Variants in MYT1L observed in about 807,000 individuals in gnomAD.
MYT1L encodes the protein myelin transcription factor 1-like protein.
Under a neutral mutation model 126.7 loss-of-function variants are expected in MYT1L, and 12 were observed. The ratio of observed to expected loss-of-function variants is 0.09; its 90% CI spans 0.06 to 0.15. MYT1L has a LOEUF of 0.15. Among genes scored for constraint, MYT1L ranks in the 10% least tolerant of loss-of-function variants. MYT1L has a pLI of 1.00. For synonymous variants in MYT1L, 541 were observed against 604.2 expected (o/e 0.90, Z 1.53); for missense variants, 979 against 1,585.2 (o/e 0.62, Z 6.49).
At chr2:1,968,173 G>A (rs1226583695) in intron 8 of MYT1L, among the ~76,000 whole-genome samples, 2 of 152,148 alleles carry the variant, frequency 1.3e-5, no homozygotes, top group African/African-American at 4.8e-5. Context: ...TCTTATCCCC[G>A]TTGAGGTTGG....
chr2:2,274,456 C>CT (rs1237403161), intron 2 of MYT1L, among the ~76,000 whole-genome samples: 1 of 151,866 alleles, frequency 6.6e-6, no homozygotes, highest in East Asian at 1.9e-4. Flanking sequence ...ATAAACTGAA[C>CT]TTTTTTCCTA....
At position 2,282,117 on chromosome 2, in the gene MYT1L, T is replaced by C. The variant is rs906948733; in HGVS notation, c.-421+2287A>G. 2.6e-5 allele frequency among the ~76,000 whole-genome samples: 4 copies of C among 152,354 alleles called. No individual in the cohort carries two copies. In the East Asian group the frequency reaches 7.7e-4, roughly 29 times the overall value. ...TAAAGTAAATGTATTGTAATGCTTT[T>C]CATACCATGTATCAGAGACTCAATA... On this transcript the variant is annotated intron_variant, in intron 2 of 24. Coordinates refer to ENST00000647738, the MANE Select transcript of MYT1L (RefSeq NM_001303052.2).
rs539172450 is a variant in MYT1L, at chr2:2,058,594, CT to C, written c.-303-4472del. Among the ~76,000 whole-genome samples, 47 of 152,282 alleles carry C rather than the reference CT, an allele frequency of 3.1e-4. No individual in the cohort carries two copies. The East Asian group carries it at 8.9e-3, about 29-fold the overall frequency. The stretch of plus-strand genomic sequence containing the variant: ...AGTCTAGAATTGTGCCTGGCACACA[CT>C]AATGATCAACAAATTTATGCTGAAT... On this transcript the variant is annotated intron_variant, in intron 3 of 24. Coordinates refer to ENST00000647738, the MANE Select transcript of MYT1L (RefSeq NM_001303052.2).
Position 2,180,943 on chromosome 2 carries a change from T to C in MYT1L, c.-420-7955A>G, listed in dbSNP as rs561067398. ...GTGTGCACCTGTATCTGTACCTGCA[T>C]GTGCCTGTGTGTGCACCTGTAACCG... On this transcript the variant is annotated intron_variant, in intron 2 of 24. Transcript: ENST00000647738. Among the ~76,000 whole-genome samples, 22 of 151,578 alleles carry C rather than the reference T, an allele frequency of 1.5e-4. No individual in the cohort carries two copies. In the South Asian group the frequency reaches 4.4e-3, roughly 30 times the overall value.
intron 18 of MYT1L, among the ~76,000 whole-genome samples, chr2:1,867,062 G>T (rs983011106): frequency 2.0e-5 from 3 of 147,694 alleles, no homozygotes; most frequent in Non-Finnish European, 4.5e-5. Context: ...AGGGTTGGGG[G>T]AGAGAGGGAG....
intron 3 of MYT1L, among the ~76,000 whole-genome samples, chr2:2,092,801 T>C (rs909796473): frequency 4.6e-5 from 7 of 152,146 alleles, no homozygotes; most frequent in African/African-American, 1.7e-4. Flanking sequence ...TGGGGGCTGT[T>C]GTAAGCAGCA....
intron 8 of MYT1L, among the ~76,000 whole-genome samples, chr2:1,951,740 A>C (rs1373648604): frequency 6.6e-6 from 1 of 152,184 alleles, no homozygotes; most frequent in East Asian, 1.9e-4. Context: ...AGTCCACATG[A>C]AACACCCAAC....
chr2:2,320,692 A>G (rs969131904), intron 1 of MYT1L, among the ~76,000 whole-genome samples: 2 of 152,168 alleles, frequency 1.3e-5, no homozygotes, highest in African/African-American at 4.8e-5. Flanking sequence ...ATCACTGAAA[A>G]ATCAGAACCA....
intron 22 of MYT1L, among the ~76,000 whole-genome samples, 183 bp downstream of exon 22, chr2:1,808,893 G>A (rs911390445): frequency 6.6e-6 from 1 of 152,190 alleles, no homozygotes; most frequent in African/African-American, 2.4e-5. Context: ...GGTGGGAGAC[G>A]GTTTTGAGAA....
At chr2:2,316,343 G>T (rs1043080963) in intron 1 of MYT1L, among the ~76,000 whole-genome samples, 2 of 152,048 alleles carry the variant, frequency 1.3e-5, no homozygotes, top group Non-Finnish European at 2.9e-5. Context: ...TGTCATTTTG[G>T]GTGCCTTCTG....
At chr2:2,209,307 A>C in intron 2 of MYT1L, among the ~76,000 whole-genome samples, 1 of 152,148 alleles carries the variant, frequency 6.6e-6, no homozygotes, top group East Asian at 1.9e-4. Flanking sequence ...ATTATTGACT[A>C]TAGTCCCCTT....
intron 2 of MYT1L, among the ~76,000 whole-genome samples, chr2:2,266,985 A>G (rs1349338200): frequency 1.3e-5 from 2 of 152,194 alleles, no homozygotes; most frequent in African/African-American, 4.8e-5. Context: ...AGAACAGACT[A>G]ATACAGCCAG....
intron 1 of MYT1L, among the ~76,000 whole-genome samples, chr2:2,320,440 A>T (rs1345584823): frequency 2.0e-5 from 3 of 151,876 alleles, no homozygotes; most frequent in Non-Finnish European, 2.9e-5. Context: ...ACAATTAGGC[A>T]TAAAATTTTA....
At chr2:2,253,293 T>C (rs948068555) in intron 2 of MYT1L, among the ~76,000 whole-genome samples, 1 of 152,236 alleles carries the variant, frequency 6.6e-6, no homozygotes, top group African/African-American at 2.4e-5. Context: ...CAGGGCTCGC[T>C]GGCTTCCACA....
chr2:2,163,885 G>A (rs529508315), intron 3 of MYT1L, among the ~76,000 whole-genome samples: 12 of 152,296 alleles, frequency 7.9e-5, no homozygotes, highest in African/African-American at 2.4e-4. Flanking sequence ...GGGACCAGGT[G>A]TAAATTTTAT....
At position 2,312,520 on chromosome 2, in the gene MYT1L, G is replaced by A. The variant is rs375884095; in HGVS notation, c.-521+18447C>T. Reference sequence around the variant, plus strand: ...CCCAGCTACTCAGGAGGCTGAGGTGGGAGGATTACTTGAACGTGGGAGGAA... The same window carrying A: ...CCCAGCTACTCAGGAGGCTGAGGTGAGAGGATTACTTGAACGTGGGAGGAA... On this transcript the variant is annotated intron_variant, in intron 1 of 24. Transcript: ENST00000647738. Among the ~76,000 whole-genome samples, 4 of 152,186 alleles carry A rather than the reference G, an allele frequency of 2.6e-5. No homozygotes were observed. In the East Asian group the frequency reaches 7.8e-4, roughly 30 times the overall value.
At chr2:1,986,674 G>A (rs2149531997) in intron 5 of MYT1L, among the ~76,000 whole-genome samples, 1 of 152,288 alleles carries the variant, frequency 6.6e-6, no homozygotes, top group East Asian at 1.9e-4. Context: ...TAACAGCAGA[G>A]AAGCCCCAAA....
At chr2:2,043,677 G>A (rs2067822344) in intron 4 of MYT1L, among the ~76,000 whole-genome samples, 1 of 152,062 alleles carries the variant, frequency 6.6e-6, no homozygotes, top group Non-Finnish European at 1.5e-5. Context: ...CCCCTTCCTT[G>A]CCCTGAGCTC....
intron 23 of MYT1L, among the ~76,000 whole-genome samples, chr2:1,797,131 A>G (rs1199157845): frequency 6.6e-6 from 1 of 152,084 alleles, no homozygotes; most frequent in African/African-American, 2.4e-5. Flanking sequence ...CTGAGGCCAC[A>G]CTGAATCCAG....
Sources: gnomAD v4.1 joint callset for allele counts (sites outside exome capture counted in the v4.1 genomes callset) on GRCh38, gnomAD v4.1.1 for gene constraint, MANE v1.5 for transcripts, NCBI Gene and HGNC (gene_info 2026-07-23, HGNC 2026-07-21) for gene names.